PMM2: variants seen among roughly 807,000 people sequenced by gnomAD.
PMM2 encodes the protein phosphomannomutase 2, also known as mannose-6-phosphate isomerase.
PMM2 carries 35 observed loss-of-function variants against 33.2 expected under a neutral mutation model. The observed-to-expected ratio is 1.06, with a 90% CI of 0.81 to 1.40. The LOEUF (loss-of-function observed/expected upper bound fraction) is 1.40, where lower values mean the gene tolerates loss of function less well. PMM2 is among the 40% of genes most tolerant of loss of function. The probability of loss-of-function intolerance (pLI) is 0.00; values close to 1 mark genes in which losing one functional copy is unlikely to be tolerated. For missense variants in PMM2, 386 were observed against 306.0 expected (o/e 1.26, Z -1.95); for synonymous variants, 153 against 114.7 (o/e 1.33, Z -2.13).
intron 7 of PMM2, among the ~76,000 whole-genome samples, chr16:8,842,592 A>C (rs2060897463): frequency 6.6e-6 from 1 of 152,162 alleles, no homozygotes; most frequent in Admixed American, 6.5e-5. Flanking sequence ...AGTGTGGAAT[A>C]GTGAGTTGTG....
At position 8,812,882 on chromosome 16, in the gene PMM2, A is replaced by G. The variant is rs971884651; in HGVS notation, c.524-109A>G. The G allele has an allele frequency of 4.0e-6, 3 of 758,136 alleles. No individual in the cohort carries two copies. In the African/African-American group the frequency reaches 5.2e-5, roughly 13 times the overall value. 47.0% of individuals were successfully genotyped at this position (758,136 alleles called of 1,614,324 possible). ...GTAGCAAACTAGAGTACTGAAAATC[A>G]ACCTTGGCAACCCACTAACTGACAA... is the stretch of plus-strand genomic sequence containing the variant. On this transcript the variant is annotated intron_variant, in intron 6 of 7. Transcript: ENST00000268261.
chr16:8,816,883 A>G (rs2060711416), intron 7 of PMM2, among the ~76,000 whole-genome samples: 1 of 152,256 alleles, frequency 6.6e-6, no homozygotes, highest in African/African-American at 2.4e-5. Flanking sequence ...CATATGATCC[A>G]GCAGTTCCAC....
chr16:8,804,850 T>C lies in PMM2; in HGVS notation c.255+7T>C. 2.6e-6 allele frequency: 4 copies of C among 1,563,204 alleles called. No individual in the cohort carries two copies. The highest frequency in any genetic ancestry group is 3.5e-6 in the Non-Finnish European group (4 of 1,133,674). On this transcript the variant is annotated splice_region_variant and intron_variant, in intron 3 of 7. Transcript: ENST00000268261. ...GAAACTCTTGTGTAGACAGGTAGGT[T>C]CTTGAGTATCTGAATTACTATATAC...
chr16:8,832,764 G>T (rs12921984), intron 7 of PMM2: 4 of 985,218 alleles, frequency 4.1e-6, no homozygotes, highest in Non-Finnish European at 4.8e-6. Context: ...AATCCCAGGT[G>T]CTTACCACAA....
intron 3 of PMM2, among the ~76,000 whole-genome samples, chr16:8,805,657 A>G (rs965584990): frequency 6.6e-6 from 1 of 151,806 alleles, no homozygotes; most frequent in Non-Finnish European, 1.5e-5. Context: ...CAGTGGCTCA[A>G]TCCTGGCTCA....
At chr16:8,798,285 G>C (rs983477174) in intron 1 of PMM2, among the ~76,000 whole-genome samples, 1 of 152,172 alleles carries the variant, frequency 6.6e-6, no homozygotes, top group African/African-American at 2.4e-5. Context: ...TATCAGCTAT[G>C]TGTCGGCCCC....
Position 8,804,031 on chromosome 16 carries a change from G to GTTTTTTTTTTT in PMM2, c.179-726_179-716dup, listed in dbSNP as rs752484926. On this transcript the variant is annotated intron_variant, in intron 2 of 7. Coordinates refer to ENST00000268261, the MANE Select transcript of PMM2 (RefSeq NM_000303.3). ...GTTTTTTGTTTTTTGGGTTTTTTTT[G>GTTTTTTTTTTT]TTTTTTTTTTTTTTTTTTTTGACGT... Among the ~76,000 whole-genome samples the GTTTTTTTTTTT allele has an allele frequency of 5.9e-4, 52 of 87,476 alleles. 1 individual carries two copies. Among genetic ancestry groups the GTTTTTTTTTTT allele is most frequent in the Admixed American group, 2.0e-3 (16 of 8,126 alleles). The allele number at this position is 87,476 out of a possible 152,430, so 57.4% of individuals were successfully genotyped here.
At chr16:8,819,148 A>G (rs2141028290) in intron 7 of PMM2, among the ~76,000 whole-genome samples, 1 of 152,332 alleles carries the variant, frequency 6.6e-6, no homozygotes, top group Non-Finnish European at 1.5e-5. Flanking sequence ...GCATGTGTGA[A>G]AGACTCACGC....
Position 8,847,712 on chromosome 16 carries a change from G to C in PMM2, c.640-12G>C, listed in dbSNP as rs375325546. The C allele has an allele frequency of 6.3e-7, 1 of 1,599,600 alleles. No homozygotes were observed. The highest frequency in any genetic ancestry group is 8.6e-7 in the Non-Finnish European group (1 of 1,166,978). On this transcript the variant is annotated splice_polypyrimidine_tract_variant and intron_variant, in intron 7 of 7. Coordinates refer to ENST00000268261, the MANE Select transcript of PMM2 (RefSeq NM_000303.3). The stretch of plus-strand genomic sequence containing the variant: ...GAGGGGGAGCCTTCATCTGTACTTC[G>C]TGTCTTTCCAGGGTGGCAATGACCA...
At chr16:8,817,785 C>G (rs1226289789) in intron 7 of PMM2, among the ~76,000 whole-genome samples, 4 of 152,158 alleles carry the variant, frequency 2.6e-5, no homozygotes, top group African/African-American at 7.2e-5. Context: ...CCAACAATGT[C>G]CCAGCCTTTC....
chr16:8,830,310 GC>G (rs376723456), intron 7 of PMM2, among the ~76,000 whole-genome samples: 574 of 152,302 alleles, frequency 3.8e-3, no homozygotes, highest in Non-Finnish European at 7.0e-3. Context: ...GGTTCTCCTT[GC>G]CCACAGCCTA....
intron 7 of PMM2, among the ~76,000 whole-genome samples, chr16:8,846,248 A>G (rs1276739162): frequency 6.6e-6 from 1 of 152,160 alleles, no homozygotes; most frequent in Non-Finnish European, 1.5e-5. Context: ...GAAAACACTC[A>G]TTTCCAGAGG....
At position 8,844,431 on chromosome 16, in the gene PMM2, C is replaced by G. The variant is rs138347325; in HGVS notation, c.640-3293C>G. ...CAGAGATACGAGTTTGGGGTACTTGCCTCTCCCCCAGAAAAGCGGGACTTG... is the reference window on the plus strand; with the variant it reads ...CAGAGATACGAGTTTGGGGTACTTGGCTCTCCCCCAGAAAAGCGGGACTTG... On this transcript the variant is annotated intron_variant, in intron 7 of 7. Coordinates refer to ENST00000268261, the MANE Select transcript of PMM2 (RefSeq NM_000303.3). Among the ~76,000 whole-genome samples, 708 of 152,156 alleles carry G rather than the reference C, an allele frequency of 4.7e-3. 4 individuals carry two copies. Among genetic ancestry groups the G allele is most frequent in the Non-Finnish European group, 8.2e-3 (557 of 68,002 alleles).
At position 8,811,020 on chromosome 16, in the gene PMM2, T is replaced by TATG. The variant is rs1799772; in HGVS notation, c.348-58_348-56dup. 903,182 of 988,612 alleles carry TATG rather than the reference T, an allele frequency of 0.91. 415,766 individuals carry two copies. The highest frequency in any genetic ancestry group is 0.97 in the East Asian group (37,302 of 38,312). 61.2% of individuals were successfully genotyped at this position (988,612 alleles called of 1,614,324 possible). On this transcript the variant is annotated intron_variant, in intron 4 of 7. Coordinates refer to ENST00000268261, the MANE Select transcript of PMM2 (RefSeq NM_000303.3). ...TTCCCAAGATTTTAGGCTGTTTATC[T>TATG]ATGTTGCCCAAATGAATAACGTGTT...
At chr16:8,804,231 G>A (rs1341337764) in intron 2 of PMM2, among the ~76,000 whole-genome samples, 2 of 151,426 alleles carry the variant, frequency 1.3e-5, no homozygotes, top group African/African-American at 4.9e-5. Context: ...GTAGAGACGG[G>A]GGTTTCACTA....
intron 6 of PMM2, 75 bp downstream of exon 6, chr16:8,811,788 G>A: frequency 1.0e-6 from 1 of 1,002,050 alleles, no homozygotes; most frequent in East Asian, 2.4e-5. Flanking sequence ...GTGAGCTATT[G>A]ATAATGAAGT....
At chr16:8,837,923 T>C (rs1396905218) in intron 7 of PMM2, among the ~76,000 whole-genome samples, 1 of 152,072 alleles carries the variant, frequency 6.6e-6, no homozygotes, top group African/African-American at 2.4e-5. Flanking sequence ...CTCCTTTGTC[T>C]CTACCAGAAA....
chr16:8,845,783 CCTGAAAGAAATCTTTTT>C (rs1038836444), intron 7 of PMM2, among the ~76,000 whole-genome samples: 2 of 144,050 alleles, frequency 1.4e-5, no homozygotes, highest in African/African-American at 5.2e-5. Flanking sequence ...CTGTGCCATT[CCTGAAAGAAATCTTTTT>C]TTTTTTTTTT....
intron 7 of PMM2, among the ~76,000 whole-genome samples, chr16:8,834,614 A>G (rs2060831746): frequency 6.6e-6 from 1 of 152,078 alleles, no homozygotes; most frequent in South Asian, 2.1e-4. Context: ...ATAATCCCTG[A>G]GGAGTAGTAG....
Sources: allele counts gnomAD v4.1 joint callset (sites outside exome capture counted in the v4.1 genomes callset), GRCh38; gene constraint gnomAD v4.1.1; transcripts MANE v1.5; gene names NCBI Gene and HGNC (gene_info 2026-07-23, HGNC 2026-07-21).